ETV6: variants seen among roughly 807,000 people sequenced by gnomAD.
ETV6 encodes ETS variant transcription factor 6.
In ETV6, 16 loss-of-function variants were observed where a neutral mutation model predicts 51.1. That is an observed-to-expected ratio of 0.31 (90% CI 0.21 to 0.48). ETV6 has a LOEUF of 0.48. Among genes scored for constraint, ETV6 ranks in the 20% least tolerant of loss-of-function variants. The pLI is 0.99. For synonymous variants in ETV6, 240 were observed against 224.1 expected (o/e 1.07, Z -0.64); for missense variants, 458 against 594.8 (o/e 0.77, Z 2.39).
intron 4 of ETV6, among the ~76,000 whole-genome samples, chr12:11,867,669 G>A (rs376624278): frequency 2.0e-5 from 3 of 152,038 alleles, no homozygotes; most frequent in Admixed American, 6.6e-5. Context: ...ATCAAATTAC[G>A]GAATTCACTT....
intron 1 of ETV6, among the ~76,000 whole-genome samples, chr12:11,674,275 T>C (rs901032181): frequency 3.3e-5 from 5 of 152,066 alleles, no homozygotes; most frequent in Non-Finnish European, 5.9e-5. Context: ...GATGTTCAAA[T>C]GGGCGTGTGG....
chr12:11,743,439 C>T (rs1865847438), intron 1 of ETV6, among the ~76,000 whole-genome samples: 1 of 152,134 alleles, frequency 6.6e-6, no homozygotes, highest in Non-Finnish European at 1.5e-5. Context: ...CTGGTTGTAA[C>T]CCAGCCTTCT....
At chr12:11,775,446 A>T (rs918079842) in intron 2 of ETV6, among the ~76,000 whole-genome samples, 1 of 152,230 alleles carries the variant, frequency 6.6e-6, no homozygotes, top group Non-Finnish European at 1.5e-5. Flanking sequence ...TGCTGTCTTT[A>T]TTATTCATTA....
chr12:11,689,225 A>G (rs921596593), intron 1 of ETV6, among the ~76,000 whole-genome samples: 2 of 152,110 alleles, frequency 1.3e-5, no homozygotes, highest in African/African-American at 2.4e-5. Flanking sequence ...GGCTGGGGAC[A>G]GGGAGTACCA....
chr12:11,750,326 G>A (rs1160273992), intron 1 of ETV6, among the ~76,000 whole-genome samples: 1 of 152,242 alleles, frequency 6.6e-6, no homozygotes, highest in Admixed American at 6.5e-5. Context: ...TGGGGATGGA[G>A]TTCCTAAGAA....
In ETV6 at chr12:11,886,847, A is replaced by C. The variant is rs1038299049; in HGVS notation, c.1253+821A>C. 1.8e-4 allele frequency among the ~76,000 whole-genome samples: 28 copies of C among 152,180 alleles called. 1 individual carries two copies. Among genetic ancestry groups the C allele is most frequent in the Admixed American group, 1.6e-3 (24 of 15,274 alleles). ...CTGGTGGTAGTCATTAGCGGGGCCA[A>C]CTGCAGGTTGGTAGAAGTGAGATCA... On this transcript the variant is annotated intron_variant, in intron 7 of 7. Transcript: ENST00000396373.
chr12:11,695,885 C>G (rs1431360772), intron 1 of ETV6, among the ~76,000 whole-genome samples: 1 of 152,160 alleles, frequency 6.6e-6, no homozygotes, highest in East Asian at 1.9e-4. Flanking sequence ...TTCCATATCA[C>G]CAGTGACATC....
At chr12:11,746,991 G>A (rs1040433023) in intron 1 of ETV6, among the ~76,000 whole-genome samples, 6 of 152,148 alleles carry the variant, frequency 3.9e-5, no homozygotes, top group Admixed American at 2.0e-4. Flanking sequence ...AATATCTCAC[G>A]TCCTGAACCA....
intron 1 of ETV6, among the ~76,000 whole-genome samples, chr12:11,726,266 G>T (rs1591633963): frequency 6.6e-6 from 1 of 152,202 alleles, no homozygotes; most frequent in South Asian, 2.1e-4. Flanking sequence ...AAGGAAAAGA[G>T]GGGAGACCAG....
At chr12:11,888,378 T>TTCTTC in intron 7 of ETV6, among the ~76,000 whole-genome samples, 1 of 136,034 alleles carries the variant, frequency 7.4e-6, no homozygotes, top group East Asian at 2.1e-4. Context: ...TACAATTTGC[T>TTCTTC]TTTTCTTTTC....
At chr12:11,795,500 T>C (rs528457235) in intron 2 of ETV6, among the ~76,000 whole-genome samples, 3 of 152,272 alleles carry the variant, frequency 2.0e-5, no homozygotes, top group East Asian at 1.9e-4. Flanking sequence ...TCAGTCATCA[T>C]TGGGAACCAT....
chr12:11,872,156 T>A lies in ETV6; in HGVS notation c.1009+2187T>A, dbSNP rs188386586. Among the ~76,000 whole-genome samples, 205 of 152,350 alleles carry A rather than the reference T, an allele frequency of 1.3e-3. No individual in the cohort carries two copies. Among genetic ancestry groups the A allele is most frequent in the Non-Finnish European group, 2.6e-3 (174 of 68,034 alleles). On this transcript the variant is annotated intron_variant, in intron 5 of 7. Transcript: ENST00000396373. ...GCTCATGACTGCAGTATTCATCTTA[T>A]GTGGAAGGGTCATTTGTACAGGGGA...
At chr12:11,769,443 A>G (rs1945208776) in intron 2 of ETV6, among the ~76,000 whole-genome samples, 1 of 144,994 alleles carries the variant, frequency 6.9e-6, no homozygotes, top group Non-Finnish European at 1.5e-5. Flanking sequence ...ATCTGAGAAG[A>G]AAAAAAAAAA....
chr12:11,676,279 G>A (rs1201886112), intron 1 of ETV6, among the ~76,000 whole-genome samples: 2 of 152,158 alleles, frequency 1.3e-5, no homozygotes, highest in African/African-American at 4.8e-5. Context: ...AGCTCAGTCA[G>A]CCTCTTCCTC....
intron 7 of ETV6, 43 bp from the exon 8 acceptor site, chr12:11,890,898 A>G: frequency 6.8e-7 from 1 of 1,472,466 alleles, no homozygotes; most frequent in Non-Finnish European, 9.5e-7. Context: ...AGACAGCTTT[A>G]GGAAAATGGA....
In ETV6 at chr12:11,738,307, CTTTTT is replaced by C. The variant is rs59241338; in HGVS notation, c.34-14126_34-14122del. On this transcript the variant is annotated intron_variant, in intron 1 of 7. Coordinates refer to ENST00000396373, the MANE Select transcript of ETV6 (RefSeq NM_001987.5). ...TCTCTCTGTTTTTTGTTTGTTTTTG[CTTTTT>C]TTTTTTTTTTTTTTTTAAATTTGAG... 8.2e-3 allele frequency among the ~76,000 whole-genome samples: 932 copies of C among 113,998 alleles called. 12 individuals carry two copies. Among genetic ancestry groups the C allele is most frequent in the African/African-American group, 0.034 (871 of 25,552 alleles). 74.8% of individuals were successfully genotyped at this position (113,998 alleles called of 152,430 possible). A position where few individuals can be genotyped will look rare whatever the true frequency, so the allele number is the denominator to read the frequency against.
At chr12:11,691,560 T>C (rs897778426) in intron 1 of ETV6, among the ~76,000 whole-genome samples, 2 of 152,258 alleles carry the variant, frequency 1.3e-5, no homozygotes, top group South Asian at 2.1e-4. Context: ...TTAATTGTTA[T>C]CACCTTTCAA....
intron 1 of ETV6, among the ~76,000 whole-genome samples, chr12:11,737,202 G>A (rs1591640273): frequency 6.6e-6 from 1 of 152,194 alleles, no homozygotes; most frequent in African/African-American, 2.4e-5. Flanking sequence ...AGGATTTGCT[G>A]AGGAGTTCAG....
At chr12:11,686,832 A>G (rs1038871235) in intron 1 of ETV6, among the ~76,000 whole-genome samples, 3 of 152,016 alleles carry the variant, frequency 2.0e-5, no homozygotes, top group African/African-American at 7.3e-5. Context: ...TATGACTTTC[A>G]ATGCTCTGTT....
Sources: gnomAD v4.1 joint callset for allele counts (sites outside exome capture counted in the v4.1 genomes callset) on GRCh38, gnomAD v4.1.1 for gene constraint, MANE v1.5 for transcripts, NCBI Gene and HGNC (gene_info 2026-07-23, HGNC 2026-07-21) for gene names.